KCNAB1: variants seen among roughly 807,000 people sequenced by gnomAD.
The protein encoded by KCNAB1 is voltage-gated potassium channel subunit beta-1.
Under a neutral mutation model 64.6 loss-of-function variants are expected in KCNAB1, and 35 were observed. The observed-to-expected ratio is 0.54, with a 90% CI of 0.41 to 0.72. The LOEUF (loss-of-function observed/expected upper bound fraction) is 0.72. KCNAB1 is among the 30% of genes least tolerant of loss of function. The pLI is 0.00. For missense variants in KCNAB1, 401 were observed against 512.9 expected (o/e 0.78, Z 2.11); for synonymous variants, 177 against 183.8 (o/e 0.96, Z 0.30).
intron 1 of KCNAB1, among the ~76,000 whole-genome samples, chr3:156,137,863 C>T (rs1338910903): frequency 1.3e-5 from 2 of 151,906 alleles, no homozygotes; most frequent in Non-Finnish European, 2.9e-5. Context: ...GCCTGGATTG[C>T]AAACTTGTGA....
intron 1 of KCNAB1, among the ~76,000 whole-genome samples, chr3:156,334,369 C>T (rs1723541328): frequency 6.6e-6 from 1 of 152,126 alleles, no homozygotes; most frequent in Admixed American, 6.6e-5. Context: ...AATGATGCTC[C>T]CCAACATCAA....
intron 1 of KCNAB1, among the ~76,000 whole-genome samples, chr3:156,332,640 C>T (rs1376142409): frequency 6.6e-6 from 1 of 152,128 alleles, no homozygotes. Context: ...CTTCCACCTG[C>T]CCTAGAGATG....
At chr3:156,324,555 A>T (rs1038191473) in intron 1 of KCNAB1, among the ~76,000 whole-genome samples, 1 of 152,108 alleles carries the variant, frequency 6.6e-6, no homozygotes, top group African/African-American at 2.4e-5. Flanking sequence ...TGTGCCAAGG[A>T]TGCTAATTTG....
chr3:156,153,249 C>G (rs1343812054), intron 1 of KCNAB1, among the ~76,000 whole-genome samples: 6 of 152,154 alleles, frequency 3.9e-5, no homozygotes, highest in Non-Finnish European at 8.8e-5. Context: ...ACCAAAAATC[C>G]AAGTATCCTT....
intron 1 of KCNAB1, among the ~76,000 whole-genome samples, chr3:156,356,624 C>G (rs1725264373): frequency 6.6e-6 from 1 of 152,186 alleles, no homozygotes. Flanking sequence ...AGCTCCCTTT[C>G]TCTGGGCTTT....
chr3:156,449,538 C>G (rs1417570139), intron 2 of KCNAB1, among the ~76,000 whole-genome samples: 1 of 152,190 alleles, frequency 6.6e-6, no homozygotes, highest in South Asian at 2.1e-4. Context: ...ACTTCAGTAC[C>G]GTTTTTGCAT....
intron 1 of KCNAB1, among the ~76,000 whole-genome samples, chr3:156,388,595 A>G (rs1046909139): frequency 1.3e-5 from 2 of 152,236 alleles, no homozygotes; most frequent in African/African-American, 4.8e-5. Context: ...TGTGAGTTAC[A>G]TCATAGTCTA....
chr3:156,296,045 T>C (rs953955290), intron 1 of KCNAB1, among the ~76,000 whole-genome samples: 3 of 152,246 alleles, frequency 2.0e-5, no homozygotes, highest in African/African-American at 7.2e-5. Flanking sequence ...TGTTAGTGCA[T>C]GAAAGTTCCT....
At chr3:156,176,792 C>T (rs1328918165) in intron 1 of KCNAB1, 5 of 869,716 alleles carry the variant, frequency 5.7e-6, no homozygotes, top group Non-Finnish European at 7.9e-6. Context: ...CTCCTGGCGT[C>T]GCCTGCTGCT....
At chr3:156,457,275 A>G in intron 3 of KCNAB1, 178 bp from the exon 4 acceptor site, 1 of 1,405,438 alleles carries the variant, frequency 7.1e-7, no homozygotes, top group Non-Finnish European at 9.3e-7. Context: ...AGGAAAGAAT[A>G]CTTCTGTCCT....
chr3:156,143,150 T>G (rs1353739558), intron 1 of KCNAB1: 1 of 1,558,250 alleles, frequency 6.4e-7, no homozygotes, highest in Non-Finnish European at 8.7e-7. Context: ...CACCGTGCAA[T>G]TAGCTTTGCT....
At chr3:156,263,726 C>T (rs187019882) in intron 1 of KCNAB1, among the ~76,000 whole-genome samples, 2 of 152,098 alleles carry the variant, frequency 1.3e-5, no homozygotes, top group Non-Finnish European at 2.9e-5. Flanking sequence ...GCATGTCCTC[C>T]CATATACTTT....
intron 1 of KCNAB1, among the ~76,000 whole-genome samples, chr3:156,150,514 A>G (rs2108293635): frequency 6.6e-6 from 1 of 152,300 alleles, no homozygotes; most frequent in Admixed American, 6.5e-5. Flanking sequence ...GCTTTCTTAT[A>G]TACAAGTTGT....
At chr3:156,128,382 T>C (rs576040955) in intron 1 of KCNAB1, among the ~76,000 whole-genome samples, 1 of 152,310 alleles carries the variant, frequency 6.6e-6, no homozygotes, top group African/African-American at 2.4e-5. Context: ...TGTTTTGAAG[T>C]TGTAGGAGAA....
chr3:156,532,373 A>C (rs770864018), intron 13 of KCNAB1, among the ~76,000 whole-genome samples: 1 of 152,114 alleles, frequency 6.6e-6, no homozygotes, highest in Non-Finnish European at 1.5e-5. Flanking sequence ...TCCTACTCTC[A>C]ACCCTGCTAA....
intron 1 of KCNAB1, among the ~76,000 whole-genome samples, chr3:156,225,036 T>C (rs1358762934): frequency 2.6e-5 from 4 of 151,978 alleles, no homozygotes; most frequent in East Asian, 1.9e-4. Flanking sequence ...TTCCAAAAGA[T>C]AGAGAAAGAG....
chr3:156,521,416 C>A (rs16826376), intron 11 of KCNAB1, among the ~76,000 whole-genome samples: 9,858 of 152,238 alleles, frequency 0.065, 335 homozygotes, highest in Non-Finnish European at 0.08. Flanking sequence ...GGTTTCTCTG[C>A]CTCCTCCCTG....
intron 1 of KCNAB1, among the ~76,000 whole-genome samples, chr3:156,388,097 C>T (rs1471120732): frequency 1.3e-5 from 2 of 152,138 alleles, no homozygotes; most frequent in Non-Finnish European, 2.9e-5. Context: ...AAAGTCTGGT[C>T]AATTTGTTCA....
chr3:156,255,754 C>A (rs2108471218), intron 1 of KCNAB1, among the ~76,000 whole-genome samples: 1 of 152,304 alleles, frequency 6.6e-6, no homozygotes, highest in East Asian at 1.9e-4. Context: ...TCCATGCAGC[C>A]TTCTCTGGTT....
Sources: allele counts gnomAD v4.1 joint callset (sites outside exome capture counted in the v4.1 genomes callset), GRCh38; gene constraint gnomAD v4.1.1; transcripts MANE v1.5; gene names NCBI Gene and HGNC (gene_info 2026-07-23, HGNC 2026-07-21).